Variants in COL24A1 observed in about 807,000 individuals in gnomAD.
The protein encoded by COL24A1 is collagen type XXIV alpha 1 chain.
COL24A1 carries 224 observed loss-of-function variants against 253.9 expected under a neutral mutation model. The ratio of observed to expected loss-of-function variants is 0.88; its 90% CI spans 0.79 to 0.99. The LOEUF (loss-of-function observed/expected upper bound fraction) is 0.99. Among genes scored for constraint, COL24A1 ranks in the 50% least tolerant of loss-of-function variants. The probability of loss-of-function intolerance (pLI) is 0.00; values close to 1 mark genes in which losing one functional copy is unlikely to be tolerated. For missense variants in COL24A1, 2,131 were observed against 2,068.5 expected, an observed-to-expected ratio of 1.03 and a Z score of -0.59; for synonymous variants, 685 against 673.7, an observed-to-expected ratio of 1.02 and a Z score of -0.26.
At chr1:85,918,277 A>G (rs891546022) in intron 24 of COL24A1, among the ~76,000 whole-genome samples, 1 of 151,946 alleles carries the variant, frequency 6.6e-6, no homozygotes, top group Non-Finnish European at 1.5e-5. Flanking sequence ...CTGGAGTTCA[A>G]TTTTCACGTG....
chr1:86,135,806 A>AT (rs58515739), intron 2 of COL24A1, among the ~76,000 whole-genome samples: 10 of 152,006 alleles, frequency 6.6e-5, no homozygotes, highest in Admixed American at 2.0e-4. Flanking sequence ...TAACAGCAAC[A>AT]TTTTTTTGTG....
At chr1:85,968,541 G>T (rs759839472) in intron 22 of COL24A1, among the ~76,000 whole-genome samples, 7 of 152,070 alleles carry the variant, frequency 4.6e-5, no homozygotes, top group Non-Finnish European at 1.0e-4. Flanking sequence ...GCAAAGAACT[G>T]AAAACCATCC....
chr1:85,819,289 CAA>C (rs1159493873), intron 45 of COL24A1, among the ~76,000 whole-genome samples: 2 of 152,022 alleles, frequency 1.3e-5, no homozygotes, highest in African/African-American at 4.8e-5. Context: ...GCAAAATAAA[CAA>C]AGACTATTTT....
intron 12 of COL24A1, among the ~76,000 whole-genome samples, chr1:86,041,859 C>A (rs984045029): frequency 6.6e-6 from 1 of 152,090 alleles, no homozygotes; most frequent in Non-Finnish European, 1.5e-5. Context: ...TTCCTGAAAT[C>A]TCCAGAGAAT....
chr1:86,014,646 AT>A (rs1639792106), intron 19 of COL24A1, among the ~76,000 whole-genome samples: 1 of 151,736 alleles, frequency 6.6e-6, no homozygotes, highest in African/African-American at 2.4e-5. Flanking sequence ...TGGAATGATG[AT>A]CCACATTCTA....
At chr1:86,115,406 GCAT>G in intron 3 of COL24A1, 28 bp from the exon 4 acceptor site, 1 of 1,598,184 alleles carries the variant, frequency 6.3e-7, no homozygotes, top group Non-Finnish European at 8.6e-7. Flanking sequence ...AAGACATTAG[GCAT>G]GATAGTGGAC....
chr1:85,926,062 C>A (rs1343430779), intron 24 of COL24A1, among the ~76,000 whole-genome samples: 3 of 152,118 alleles, frequency 2.0e-5, no homozygotes, highest in Non-Finnish European at 4.4e-5. Flanking sequence ...AGCCAACAGA[C>A]ACATGAAAAA....
At position 86,125,038 on chromosome 1, in the gene COL24A1, T is replaced by A; in HGVS notation, c.1298A>T (p.His433Leu). 6.2e-7 allele frequency: 1 copy of A among 1,613,074 alleles called. No individual in the cohort carries two copies. Among genetic ancestry groups the A allele is most frequent in the Non-Finnish European group, 8.5e-7 (1 of 1,179,560 alleles). Residue 433 changes from histidine to leucine, a missense_variant, in exon 3 of 60, where the codon CAT becomes CTT. His to Leu is a moderately conservative substitution (Grantham distance 99, BLOSUM62 -3). Transcript: ENST00000370571. ...EMQPILNTSL[H>L]RVTNEPSVDN... ...CACAGATGGCTCATTTGTCACTCTA[T>A]GCAAGCTTGTGTTTAAAATTGGTTG... is the stretch of plus-strand genomic sequence containing the variant.
chr1:86,120,373 A>T (rs1706621198), intron 3 of COL24A1, among the ~76,000 whole-genome samples: 1 of 152,210 alleles, frequency 6.6e-6, no homozygotes, highest in Non-Finnish European at 1.5e-5. Context: ...AATGGGGGAA[A>T]ATTTTTGCAA....
chr1:86,113,295 A>T (rs1557676687), intron 4 of COL24A1, among the ~76,000 whole-genome samples: 1 of 152,206 alleles, frequency 6.6e-6, no homozygotes. Context: ...ACAACCAGTA[A>T]GTAGAGGAAC....
chr1:85,858,624 CTT>C lies in COL24A1; in HGVS notation c.3301-9220_3301-9219del, dbSNP rs1558416362. 3.0e-3 allele frequency among the ~76,000 whole-genome samples: 262 copies of C among 86,804 alleles called. 1 individual carries two copies. Among genetic ancestry groups the C allele is most frequent in the African/African-American group, 8.6e-3 (141 of 16,398 alleles). The allele number at this position is 86,804 out of a possible 152,430, so 56.9% of individuals were successfully genotyped here. On this transcript the variant is annotated intron_variant, in intron 37 of 59. Transcript: ENST00000370571. Reference sequence around the variant, plus strand: ...ATATTTTCTCCTTATTTTCTCCCTCCTTCCTTCCTTCCTTCCTTCCTTCCTTC... The same window carrying C: ...ATATTTTCTCCTTATTTTCTCCCTCCCCTTCCTTCCTTCCTTCCTTCCTTC...
chr1:85,798,973 T>A (rs1671110719), intron 47 of COL24A1, among the ~76,000 whole-genome samples: 1 of 152,162 alleles, frequency 6.6e-6, no homozygotes, highest in Admixed American at 6.5e-5. Flanking sequence ...TTTTCCTAAA[T>A]GACTGAGGTA....
chr1:86,019,098 G>A (rs1455355943), intron 18 of COL24A1, among the ~76,000 whole-genome samples: 6 of 152,068 alleles, frequency 3.9e-5, no homozygotes, highest in African/African-American at 7.2e-5. Context: ...TTCTTTCCAC[G>A]ACAGTAAACA....
intron 24 of COL24A1, among the ~76,000 whole-genome samples, chr1:85,922,862 C>T (rs1008636313): frequency 1.3e-5 from 2 of 152,166 alleles, no homozygotes; most frequent in African/African-American, 4.8e-5. Context: ...AATTAAAAGA[C>T]ACGGACTGGC....
At chr1:85,996,836 T>A (rs1019588256) in intron 19 of COL24A1, among the ~76,000 whole-genome samples, 1 of 151,888 alleles carries the variant, frequency 6.6e-6, no homozygotes, top group Non-Finnish European at 1.5e-5. Flanking sequence ...AATGTGTGTA[T>A]GTTTGCAGCA....
chr1:86,076,202 G>C, intron 7 of COL24A1, among the ~76,000 whole-genome samples: 1 of 152,072 alleles, frequency 6.6e-6, no homozygotes, highest in East Asian at 1.9e-4. Context: ...AAAGTCTCAG[G>C]ATACAAAATC....
chr1:85,786,975 T>A (rs1328140371), intron 47 of COL24A1, among the ~76,000 whole-genome samples: 2 of 152,230 alleles, frequency 1.3e-5, no homozygotes, highest in African/African-American at 2.4e-5. Context: ...CTTTGCAAAC[T>A]AAATTCAGTC....
chr1:85,987,500 A>G (rs1367340762), intron 20 of COL24A1, 101 bp downstream of exon 20: 3 of 1,035,788 alleles, frequency 2.9e-6, no homozygotes, highest in Non-Finnish European at 4.4e-6. Context: ...AAAAATATCC[A>G]GAAATGTTCT....
intron 19 of COL24A1, among the ~76,000 whole-genome samples, chr1:86,010,397 G>A (rs1233509126): frequency 6.6e-6 from 1 of 151,862 alleles, no homozygotes; most frequent in Non-Finnish European, 1.5e-5. Context: ...GTAGAAAAAT[G>A]GGCAAAAAAC....
Sources: gnomAD v4.1 joint callset for allele counts (sites outside exome capture counted in the v4.1 genomes callset) on GRCh38, gnomAD v4.1.1 for gene constraint, MANE v1.5 for transcripts, NCBI Gene and HGNC (gene_info 2026-07-23, HGNC 2026-07-21) for gene names.